The following DNAH2 variants were observed in gnomAD, a reference collection of about 807,000 sequenced individuals.
The protein encoded by DNAH2 is dynein axonemal heavy chain 2, also known as axonemal beta dynein heavy chain 2.
DNAH2 carries 323 observed loss-of-function variants against 523.5 expected under a neutral mutation model. That is an observed-to-expected ratio of 0.62 (90% confidence interval 0.56 to 0.68). DNAH2 has a LOEUF of 0.68. DNAH2 is among the 30% of genes least tolerant of loss of function. The pLI, the probability that DNAH2 is intolerant of heterozygous loss-of-function variation, is 0.00. For missense variants in DNAH2, 4,907 were observed against 5,701.5 expected (o/e 0.86, Z 4.49); for synonymous variants, 2,093 against 2,177.4 (o/e 0.96, Z 1.08).
rs111616869 is a variant in DNAH2 at position 7,792,172 on chromosome 17, C to T, written c.7054-80C>T. Reference sequence around the variant, plus strand: ...GGGTTTCCCTCTCTCTTTCTTCCACCCGGTGGTCTGGGGCCCGTTCTCTGG... The same window carrying T: ...GGGTTTCCCTCTCTCTTTCTTCCACTCGGTGGTCTGGGGCCCGTTCTCTGG... On this transcript the variant is annotated intron_variant, in intron 45 of 85. Coordinates refer to ENST00000572933, the MANE Select transcript of DNAH2 (RefSeq NM_020877.5). 39 of 1,600,210 alleles carry T rather than the reference C, an allele frequency of 2.4e-5. 1 individual carries two copies. Among genetic ancestry groups the T allele is most frequent in the African/African-American group, 1.6e-4 (12 of 74,618 alleles).
At position 7,777,531 on chromosome 17, in the gene DNAH2, T is replaced by A; in HGVS notation, c.5144T>A (p.Ile1715Lys). 6.2e-7 allele frequency: 1 copy of A among 1,614,124 alleles called. No homozygotes were observed. Among genetic ancestry groups the A allele is most frequent in the Non-Finnish European group, 8.5e-7 (1 of 1,180,028 alleles). The part of the protein sequence containing the change: ...MRLKIVALVT[I>K]EIHARDVLEK... ...CTTAAAATTGTGGCTCTGGTGACGA[T>A]AGAAATTCATGCCCGGGATGTGTTG... Residue 1715 changes from isoleucine to lysine, a missense_variant, in exon 33 of 86, where the codon ATA (isoleucine) becomes AAA (lysine). Around this residue, in one of 3 missense-constraint regions of DNAH2, gnomAD observed 2,806 missense variants for 3,190.8 expected, o/e 0.88. Coordinates refer to ENST00000572933, the MANE Select transcript of DNAH2 (RefSeq NM_020877.5).
In DNAH2 at chr17:7,776,016, C is replaced by G; in HGVS notation, c.4822-8C>G. 1.2e-6 allele frequency: 2 copies of G among 1,612,498 alleles called. No homozygotes were observed. Among genetic ancestry groups the G allele is most frequent in the Non-Finnish European group, 1.7e-6 (2 of 1,178,954 alleles). On this transcript the variant is annotated splice_polypyrimidine_tract_variant and splice_region_variant and intron_variant, in intron 30 of 85. Transcript: ENST00000572933. ...GCTGAGCTGCCCTATTCTCCCACCT[C>G]CCCCCAGTCCTGGCTTGGCGATGTG...
At position 7,754,834 on chromosome 17, in the gene DNAH2, C is replaced by T. The variant is rs1688657084; in HGVS notation, c.1905-2257C>T. 1.4e-6 allele frequency: 1 copy of T among 698,360 alleles called. No homozygotes were observed. Among genetic ancestry groups the T allele is most frequent in the South Asian group, 1.6e-5 (1 of 62,630 alleles). The allele number at this position is 698,360 out of a possible 1,614,324, so 43.3% of individuals were successfully genotyped here. A position where few individuals can be genotyped will look rare whatever the true frequency, so the allele number is the denominator to read the frequency against. Reference sequence around the variant, plus strand: ...CAGGCTCCCAAAGCTGCCCAGTGCCCTACAAAGACTTCAGAGTAGATATCT... The same window carrying T: ...CAGGCTCCCAAAGCTGCCCAGTGCCTTACAAAGACTTCAGAGTAGATATCT... On this transcript the variant is annotated intron_variant, in intron 12 of 85. Coordinates refer to ENST00000572933, the MANE Select transcript of DNAH2 (RefSeq NM_020877.5). The surrounding 1 kb of genome is among the most constrained non-coding windows in gnomAD (Gnocchi z 4.6).
Position 7,797,547 on chromosome 17 carries a change from G to C in DNAH2, c.8080+17G>C. The C allele has an allele frequency of 6.2e-7, 1 of 1,614,192 alleles. No individual in the cohort carries two copies. Among genetic ancestry groups the C allele is most frequent in the Non-Finnish European group, 8.5e-7 (1 of 1,180,038 alleles). ...CTATCTTTGGTGAGCCAGGAGCTGT[G>C]ATGACCTTGGGCTTGACACTCTTAG... On this transcript the variant is annotated intron_variant, in intron 52 of 85. Transcript: ENST00000572933.
At chr17:7,766,068 C>T (rs568591509) in intron 21 of DNAH2, among the ~76,000 whole-genome samples, 13 of 152,278 alleles carry the variant, frequency 8.5e-5, no homozygotes, top group South Asian at 6.2e-4. Context: ...TGAGCCACCG[C>T]GCCCGGCCCG....
At position 7,754,788 on chromosome 17, in the gene DNAH2, G is replaced by T. The variant is rs902190387; in HGVS notation, c.1905-2303G>T. On this transcript the variant is annotated intron_variant, in intron 12 of 85. Transcript: ENST00000572933. The surrounding 1 kb of genome is among the most constrained non-coding windows in gnomAD (Gnocchi z 4.6). The stretch of plus-strand genomic sequence containing the variant: ...GGATCAAACCAAGGCCCAGGCTGCA[G>T]CTCCAGCTTCAGTTTCAGCTCAGGC... The T allele has an allele frequency of 2.1e-4, 173 of 806,402 alleles. 2 individuals carry two copies. In the East Asian group the frequency reaches 4.1e-3, roughly 19 times the overall value. 50.0% of individuals were successfully genotyped at this position (806,402 alleles called of 1,614,324 possible).
chr17:7,776,958 C>A, intron 32 of DNAH2, 69 bp downstream of exon 32: 1 of 1,326,448 alleles, frequency 7.5e-7, no homozygotes, highest in Non-Finnish European at 1.1e-6. Flanking sequence ...TGGTAGGAGC[C>A]CACTCGCTTG....
At chr17:7,762,630 G>A (rs566437433) in intron 18 of DNAH2, among the ~76,000 whole-genome samples, 13 of 151,954 alleles carry the variant, frequency 8.6e-5, no homozygotes, top group East Asian at 3.9e-4. Context: ...CACCAAGCCC[G>A]GCCGACTTTG....
intron 31 of DNAH2, among the ~76,000 whole-genome samples, chr17:7,776,528 G>T (rs1310766997): frequency 5.3e-5 from 8 of 152,158 alleles, no homozygotes; most frequent in Non-Finnish European, 7.4e-5. Flanking sequence ...GTTAAAAGGA[G>T]GTGGCCAGTG....
At chr17:7,740,036 G>A in intron 9 of DNAH2, 98 bp downstream of exon 9, 1 of 1,040,878 alleles carries the variant, frequency 9.6e-7, no homozygotes, top group Non-Finnish European at 1.3e-6. Context: ...GGAAATGGTG[G>A]AAGGACAGAT....
At position 7,781,138 on chromosome 17, in the gene DNAH2, A is replaced by G. The variant is rs2076595156; in HGVS notation, c.6100A>G (p.Ile2034Val). The change falls in exon 39 of 86, where the codon ATT becomes GTT. Residue 2034 changes from isoleucine (I) to valine (V), a missense_variant. Physicochemically the swap from Ile to Val is conservative, Grantham distance 29. Around this residue, in one of 3 missense-constraint regions of DNAH2, gnomAD observed 2,806 missense variants for 3,190.8 expected, o/e 0.88. Transcript: ENST00000572933. ...CATCGTGCAAGATCTGTTTCCCAACATTGAGCTGCCTGTCATTGACTATGG... is the reference window on the plus strand; with the variant it reads ...CATCGTGCAAGATCTGTTTCCCAACGTTGAGCTGCCTGTCATTGACTATGG... Reference protein sequence around the residue: ...NAIVQDLFPNIELPVIDYGKL... With the variant: ...NAIVQDLFPNVELPVIDYGKL... The G allele has an allele frequency of 1.2e-6, 2 of 1,614,212 alleles. No homozygotes were observed. The highest frequency in any genetic ancestry group is 2.7e-5 in the African/African-American group (2 of 75,058).
intron 59 of DNAH2, 100 bp downstream of exon 59, chr17:7,804,566 C>A: frequency 1.5e-6 from 2 of 1,369,954 alleles, no homozygotes; most frequent in Non-Finnish European, 2.0e-6. Flanking sequence ...TCTTTAGTGA[C>A]TGGGTGCAGT....
In DNAH2 at chr17:7,786,747, A is replaced by G; in HGVS notation, c.6466+60A>G. On this transcript the variant is annotated intron_variant, in intron 41 of 85. Coordinates refer to ENST00000572933, the MANE Select transcript of DNAH2 (RefSeq NM_020877.5). This position sits in a 1 kb window ranked among gnomAD's most constrained non-coding sequence, Gnocchi z 7.5. ...GCCTGAGTCTCCTAAGGGGGCAGGG[A>G]GTCTGGGGATAGGAAGTTCCAAGTT... 6.2e-7 allele frequency: 1 copy of G among 1,600,352 alleles called. No homozygotes were observed. The highest frequency in any genetic ancestry group is 8.6e-7 in the Non-Finnish European group (1 of 1,169,184).
chr17:7,825,385 G>A (rs2077990099), intron 77 of DNAH2, among the ~76,000 whole-genome samples: 1 of 152,186 alleles, frequency 6.6e-6, no homozygotes, highest in Admixed American at 6.5e-5. Flanking sequence ...ACATGGACCA[G>A]TATGTATCAT....
In DNAH2 at chr17:7,831,866, A is replaced by G; in HGVS notation, c.12726+91A>G. On this transcript the variant is annotated intron_variant, in intron 82 of 85. Transcript: ENST00000572933. The surrounding 1 kb of genome is among the most constrained non-coding windows in gnomAD (Gnocchi z 4.2). Reference sequence around the variant, plus strand: ...ATCTCCTGGTTCTAGGTGGGCATAAAGCAAACTGCAGAGAGCCGAAACTTT... The same window carrying G: ...ATCTCCTGGTTCTAGGTGGGCATAAGGCAAACTGCAGAGAGCCGAAACTTT... 8.5e-7 allele frequency: 1 copy of G among 1,174,662 alleles called. No homozygotes were observed. The highest frequency in any genetic ancestry group is 1.2e-6 in the Non-Finnish European group (1 of 832,720). The allele number at this position is 1,174,662 out of a possible 1,614,324, so 72.8% of individuals were successfully genotyped here.
intron 39 of DNAH2, among the ~76,000 whole-genome samples, chr17:7,785,057 T>A (rs1396079330): frequency 2.0e-5 from 3 of 151,662 alleles, no homozygotes; most frequent in East Asian, 3.9e-4. Context: ...GGCAATACAA[T>A]TCTAAATAAC....
intron 4 of DNAH2, 50 bp downstream of exon 4, chr17:7,727,342 G>A: frequency 6.4e-7 from 1 of 1,563,234 alleles, no homozygotes; most frequent in Non-Finnish European, 8.6e-7. Flanking sequence ...GAGAGCCGAG[G>A]GCTCTCAGTT....
chr17:7,781,307 T>A, intron 39 of DNAH2, 140 bp downstream of exon 39: 1 of 987,150 alleles, frequency 1.0e-6, no homozygotes. Context: ...AAACCCTGTA[T>A]CTACAAAAAG....
At position 7,780,645 on chromosome 17, in the gene DNAH2, G is replaced by C; in HGVS notation, c.5866G>C (p.Val1956Leu). 6.2e-7 allele frequency: 1 copy of C among 1,614,140 alleles called. No homozygotes were observed. Among genetic ancestry groups the C allele is most frequent in the Non-Finnish European group, 8.5e-7 (1 of 1,180,046 alleles). The change falls in exon 38 of 86, where the codon GTG (valine) becomes CTG (leucine). Residue 1956 changes from valine to leucine, a missense_variant. This residue lies in a region of DNAH2 where 2,806 missense variants were observed against 3,190.8 expected (regional missense o/e 0.88). Transcript: ENST00000572933. The surrounding 1 kb of genome is among the most constrained non-coding windows in gnomAD (Gnocchi z 4.4). Reference protein sequence around the residue: ...FGNCKILAKKVYTLYSLAVQQ... With the variant: ...FGNCKILAKKLYTLYSLAVQQ... ...GGTTCCCCAGATTCTGGCCAAGAAG[G>C]TGTACACACTCTACTCACTGGCTGT...
Sources: gnomAD v4.1 joint callset for allele counts (sites outside exome capture counted in the v4.1 genomes callset) on GRCh38, gnomAD v4.1.1 for gene constraint, gnomAD v4.1.1 regional missense constraint, Gnocchi (gnomAD v3.1) non-coding constraint, MANE v1.5 for transcripts, NCBI Gene and HGNC (gene_info 2026-07-23, HGNC 2026-07-21) for gene names.